Variants in CAPN7 observed in about 807,000 individuals in gnomAD.
The protein encoded by CAPN7 is calpain-7.
CAPN7 carries 72 observed loss-of-function variants against 115.2 expected under a neutral mutation model. The ratio of observed to expected loss-of-function variants is 0.63; its 90% confidence interval spans 0.52 to 0.76. The LOEUF is 0.76. CAPN7 is among the 30% of genes least tolerant of loss of function. CAPN7 has a pLI of 0.00. For synonymous variants in CAPN7, 344 were observed against 322.3 expected, an observed-to-expected ratio of 1.07 and a Z score of -0.72; for missense variants, 905 against 971.5, an observed-to-expected ratio of 0.93 and a Z score of 0.91.
chr3:15,209,926 CTATT>C (rs1229813377), intron 1 of CAPN7, among the ~76,000 whole-genome samples: 1 of 152,138 alleles, frequency 6.6e-6, no homozygotes, highest in African/African-American at 2.4e-5. Context: ...TTTCTATAAG[CTATT>C]TATTTCTTGT....
chr3:15,250,903 C>A lies in CAPN7; in HGVS notation c.2205-28C>A, dbSNP rs202000773. ...TCACGTTTGAGAATATATATTAATA[C>A]AGTAATTCTGTTCATTTTAAATGCT... On this transcript the variant is annotated intron_variant, in intron 19 of 20. Transcript: ENST00000253693. 435 of 1,401,538 alleles carry A rather than the reference C, an allele frequency of 3.1e-4. 4 individuals are homozygous for A. The highest frequency in any genetic ancestry group is 1.8e-3 in the Middle Eastern group (10 of 5,678). 86.8% of individuals were successfully genotyped at this position (1,401,538 alleles called of 1,614,324 possible).
chr3:15,220,535 A>C, intron 4 of CAPN7, among the ~76,000 whole-genome samples: 1 of 152,114 alleles, frequency 6.6e-6, no homozygotes, highest in East Asian at 1.9e-4. Context: ...TATACCACTT[A>C]CCTTACCTTG....
rs778884086 is a variant in CAPN7 at position 15,251,050 on chromosome 3, A to G, written c.2297+27A>G. On this transcript the variant is annotated intron_variant, in intron 20 of 20. Transcript: ENST00000253693. The stretch of plus-strand genomic sequence containing the variant: ...TAATGTTGGCATTTTTATTGTATCT[A>G]TTTTATACTTTACTTTTTGTGGCAT... 3.8e-5 allele frequency: 61 copies of G among 1,597,958 alleles called. 2 individuals are homozygous for G. The Admixed American group carries it at 6.7e-4, about 17-fold the overall frequency.
In CAPN7 at chr3:15,241,541, G is replaced by T. The variant is rs199849909; in HGVS notation, c.1741G>T (p.Gly581Trp). The change falls in exon 15 of 21, where the codon GGG (glycine) becomes TGG (tryptophan). Residue 581 changes from glycine (G) to tryptophan (W), a missense_variant. Gly to Trp is a radical substitution (Grantham distance 184). Around this residue, in one of 3 missense-constraint regions of CAPN7, gnomAD observed 620 missense variants for 703.4 expected, o/e 0.88. Coordinates refer to ENST00000253693, the MANE Select transcript of CAPN7 (RefSeq NM_014296.3). ...CAAACTGGAGGTGCAGTGTCCACAGGGGGGTGCTGCAGTTTGGGTTTTGCT... is the reference window on the plus strand; with the variant it reads ...CAAACTGGAGGTGCAGTGTCCACAGTGGGGTGCTGCAGTTTGGGTTTTGCT... ...QYKLEVQCPQ[G>W]GAAVWVLLSR... 1.9e-6 allele frequency: 3 copies of T among 1,614,090 alleles called. No homozygotes were observed. The highest frequency in any genetic ancestry group is 1.7e-6 in the Non-Finnish European group (2 of 1,180,004).
At position 15,227,820 on chromosome 3, in the gene CAPN7, A is replaced by AT; in HGVS notation, c.726-14dup. ...TTTTAAGATTAATTTTTTTATTTTA[A>AT]TTTTTATTATTACCTCAGTGATAGA... is the stretch of plus-strand genomic sequence containing the variant. On this transcript the variant is annotated intron_variant, in intron 6 of 20. Coordinates refer to ENST00000253693, the MANE Select transcript of CAPN7 (RefSeq NM_014296.3). 1 of 1,396,336 alleles carries AT rather than the reference A, an allele frequency of 7.2e-7. No individual in the cohort carries two copies. The highest frequency in any genetic ancestry group is 9.4e-7 in the Non-Finnish European group (1 of 1,058,282). 86.5% of individuals were successfully genotyped at this position (1,396,336 alleles called of 1,614,324 possible).
intron 16 of CAPN7, 30 bp from the exon 17 acceptor site, chr3:15,245,495 CT>C (rs767323168): frequency 8.2e-6 from 13 of 1,580,032 alleles, no homozygotes; most frequent in Non-Finnish European, 1.0e-5. Context: ...GAAAAGTCTC[CT>C]TTTCTCTAAG....
chr3:15,248,099 G>A (rs983845011), intron 19 of CAPN7, among the ~76,000 whole-genome samples: 4 of 151,812 alleles, frequency 2.6e-5, no homozygotes, highest in East Asian at 3.9e-4. Flanking sequence ...TGGGTGCAGC[G>A]CACCAGCATG....
intron 6 of CAPN7, 148 bp downstream of exon 6, chr3:15,223,709 A>T (rs1238873002): frequency 1.7e-6 from 1 of 597,400 alleles, no homozygotes; most frequent in Non-Finnish European, 2.9e-6. Context: ...AGGGCAACAT[A>T]GCAAGAGCAC....
Position 15,223,491 on chromosome 3 carries a change from A to G in CAPN7, c.655A>G (p.Asn219Asp). Reference sequence around the variant, plus strand: ...GTTTGATAGGACAACATCAAAAATAAATGGTATAGAATATGTTCCTTTCAT... The same window carrying G: ...GTTTGATAGGACAACATCAAAAATAGATGGTATAGAATATGTTCCTTTCAT... ...IEVLRTTSKI[N>D]GIEYVPFMNV... The change falls in exon 6 of 21, where the codon AAT becomes GAT. Residue 219 changes from asparagine to aspartate, a missense_variant. Asn to Asp is a conservative substitution (Grantham distance 23). Coordinates refer to ENST00000253693, the MANE Select transcript of CAPN7 (RefSeq NM_014296.3). 4 of 1,608,396 alleles carry G rather than the reference A, an allele frequency of 2.5e-6. No individual in the cohort carries two copies. Among genetic ancestry groups the G allele is most frequent in the Non-Finnish European group, 3.4e-6 (4 of 1,176,300 alleles).
At chr3:15,239,004 T>C (rs999144914) in intron 12 of CAPN7, among the ~76,000 whole-genome samples, 7 of 152,098 alleles carry the variant, frequency 4.6e-5, no homozygotes, top group African/African-American at 1.7e-4. Context: ...AACAATTTGC[T>C]CTCCTTTGTG....
intron 18 of CAPN7, 194 bp from the exon 19 acceptor site, chr3:15,247,133 G>C (rs542009385): frequency 1.7e-6 from 1 of 577,386 alleles, no homozygotes; most frequent in Non-Finnish European, 3.0e-6. Context: ...CTTGATTAGA[G>C]GCTAAGAGAT....
chr3:15,235,243 G>T, intron 12 of CAPN7, 98 bp downstream of exon 12: 10 of 1,074,038 alleles, frequency 9.3e-6, no homozygotes, highest in Non-Finnish European at 1.2e-5. Context: ...GACAAATCAA[G>T]GTTTAAGTGG....
intron 8 of CAPN7, among the ~76,000 whole-genome samples, chr3:15,229,364 A>G (rs975551167): frequency 1.3e-5 from 2 of 152,206 alleles, no homozygotes; most frequent in Admixed American, 1.3e-4. Context: ...GTCACTAGCC[A>G]CATGTGGCTA....
chr3:15,219,734 C>T (rs953322010), intron 4 of CAPN7, among the ~76,000 whole-genome samples: 1 of 152,190 alleles, frequency 6.6e-6, no homozygotes, highest in African/African-American at 2.4e-5. Flanking sequence ...CTCATATATG[C>T]ACCTCAGGTT....
chr3:15,208,497 G>C (rs2044756555), intron 1 of CAPN7, among the ~76,000 whole-genome samples: 1 of 135,278 alleles, frequency 7.4e-6, no homozygotes, highest in Admixed American at 8.3e-5. Context: ...GAGTCTCGCT[G>C]TGTTGCCCAG....
In CAPN7 at chr3:15,228,994, C is replaced by T; in HGVS notation, c.873C>T (p.Ser291=). 6.2e-7 allele frequency: 1 copy of T among 1,612,276 alleles called. No homozygotes were observed. The highest frequency in any genetic ancestry group is 8.5e-7 in the Non-Finnish European group (1 of 1,178,768). The change falls in exon 8 of 21, where the codon TCC becomes TCT. Residue 291 remains serine (S), a synonymous_variant. Transcript: ENST00000253693. The part of the protein sequence containing the change: ...SIKQTIVSDC[S]FVASLAISAA... ...AACAGACAATAGTATCGGATTGCTCCTTTGTGGCATCACTGGCCATCAGTG... is the reference window on the plus strand; with the variant it reads ...AACAGACAATAGTATCGGATTGCTCTTTTGTGGCATCACTGGCCATCAGTG...
chr3:15,207,585 T>C lies in CAPN7; in HGVS notation c.102+988T>C, dbSNP rs377275361. On this transcript the variant is annotated intron_variant, in intron 1 of 20. Transcript: ENST00000253693. ...TTTGTAATAGCTTAAAACGAACTTA[T>C]TGTGCAGTTACACAAACATTTTCTT... Among the ~76,000 whole-genome samples the C allele has an allele frequency of 3.3e-5, 5 of 152,232 alleles. No individual in the cohort carries two copies. The East Asian group carries it at 9.6e-4, about 29-fold the overall frequency.
Position 15,233,983 on chromosome 3 carries a change from T to G in CAPN7, c.1286+10T>G. On this transcript the variant is annotated intron_variant, in intron 11 of 20. Coordinates refer to ENST00000253693, the MANE Select transcript of CAPN7 (RefSeq NM_014296.3). ...GAATGCTTTATCAAAGGTAAACATT[T>G]TTCTTTGTTTTATGTGTGTGGTAAA... The G allele has an allele frequency of 7.0e-7, 1 of 1,427,194 alleles. No homozygotes were observed. Among genetic ancestry groups the G allele is most frequent in the Non-Finnish European group, 9.9e-7 (1 of 1,014,244 alleles). 88.4% of individuals were successfully genotyped at this position (1,427,194 alleles called of 1,614,324 possible).
intron 12 of CAPN7, among the ~76,000 whole-genome samples, chr3:15,236,044 A>C (rs7649367): frequency 6.6e-6 from 1 of 151,996 alleles, no homozygotes; most frequent in Non-Finnish European, 1.5e-5. Context: ...GGTGCCATAT[A>C]TCTATAATTC....
Sources: gnomAD v4.1 joint callset for allele counts (sites outside exome capture counted in the v4.1 genomes callset) on GRCh38, gnomAD v4.1.1 for gene constraint, gnomAD v4.1.1 regional missense constraint, MANE v1.5 for transcripts, NCBI Gene and HGNC (gene_info 2026-07-23, HGNC 2026-07-21) for gene names.